NAV3: variants seen among roughly 807,000 people sequenced by gnomAD.
The protein encoded by NAV3 is neuron navigator 3.
A neutral mutation model predicts 244.7 loss-of-function variants in NAV3; 87 were observed. The ratio of observed to expected loss-of-function variants is 0.36; its 90% CI spans 0.30 to 0.42. NAV3 has a LOEUF of 0.42. Ranked by LOEUF, NAV3 falls within the 20% of genes least tolerant of loss-of-function variation. NAV3 has a pLI of 1.00. For synonymous variants in NAV3, 1,126 were observed against 1,042.2 expected (o/e 1.08, Z -1.55); for missense variants, 2,663 against 2,893.3 (o/e 0.92, Z 1.83).
chr12:77,940,508 T>G, intron 2 of NAV3, 72 bp downstream of exon 2: 1 of 1,175,042 alleles, frequency 8.5e-7, no homozygotes, highest in East Asian at 2.4e-5. Flanking sequence ...CAACTTAAGT[T>G]AAGCGCCTTA....
intron 1 of NAV3, among the ~76,000 whole-genome samples, chr12:77,908,692 A>G (rs2137016400): frequency 6.6e-6 from 1 of 152,140 alleles, no homozygotes; most frequent in African/African-American, 2.4e-5. Context: ...AAAATATCTG[A>G]TTAATGAGTA....
chr12:77,995,702 C>T (rs1474344634), intron 6 of NAV3, among the ~76,000 whole-genome samples: 1 of 152,098 alleles, frequency 6.6e-6, no homozygotes, highest in South Asian at 2.1e-4. Flanking sequence ...CTTGCCTTGG[C>T]TTTCTAAGTT....
At chr12:78,067,876 T>C (rs1286043678) in intron 12 of NAV3, among the ~76,000 whole-genome samples, 1 of 152,086 alleles carries the variant, frequency 6.6e-6, no homozygotes, top group Non-Finnish European at 1.5e-5. Context: ...TATTGATGTA[T>C]AATTTTTATC....
intron 38 of NAV3, among the ~76,000 whole-genome samples, chr12:78,204,163 A>G (rs1393141906): frequency 1.4e-5 from 2 of 146,942 alleles, no homozygotes; most frequent in East Asian, 2.2e-4. Context: ...ATGAGAACAC[A>G]TGGACACAGG....
chr12:77,810,413 C>G (rs554650818), intron 2 of NAV3, among the ~76,000 whole-genome samples: 6 of 152,092 alleles, frequency 3.9e-5, no homozygotes, highest in Non-Finnish European at 7.4e-5. Context: ...CCTCATGATC[C>G]GCCCACCTCG....
At chr12:77,864,689 T>A (rs187008907) in intron 1 of NAV3, among the ~76,000 whole-genome samples, 1 of 151,974 alleles carries the variant, frequency 6.6e-6, no homozygotes, top group East Asian at 1.9e-4. Context: ...CTACCATGCA[T>A]CATATTGCCC....
Position 78,118,062 on chromosome 12 carries a change from C to A in NAV3, c.2805C>A (p.Asp935Glu). The change falls in exon 14 of 40, where the codon GAC becomes GAA. Residue 935 changes from aspartate to glutamate, a missense_variant. Around this residue, in one of 6 missense-constraint regions of NAV3, gnomAD observed 1,521 missense variants for 1,497.0 expected, o/e 1.02. Coordinates refer to ENST00000397909, the MANE Select transcript of NAV3 (RefSeq NM_001024383.2). ...RTDSEKRSTT[D>E]ETWDSPEELK... ...ATTCAGAGAAACGCTCCACCACAGA[C>A]GAGACCTGGGATAGTCCTGAGGAAC... 1.2e-6 allele frequency: 2 copies of A among 1,613,672 alleles called. No individual in the cohort carries two copies. Among genetic ancestry groups the A allele is most frequent in the Non-Finnish European group, 1.7e-6 (2 of 1,179,820 alleles).
At position 77,968,652 on chromosome 12, in the gene NAV3, C is replaced by T. The variant is rs1362077082; in HGVS notation, c.621C>T (p.Ser207=). The T allele has an allele frequency of 6.2e-7, 1 of 1,614,098 alleles. No individual in the cohort carries two copies. ...VELQQRVTHA[S]PPSEASQAKT... ...TTCAGCAGCGAGTTACTCACGCTTC[C>T]CCTCCATCGGAAGCCAGCCAGGCCA... Residue 207 remains serine (S), a synonymous_variant, in exon 5 of 40, where the codon TCC becomes TCT. Coordinates refer to ENST00000397909, the MANE Select transcript of NAV3 (RefSeq NM_001024383.2).
At chr12:77,926,442 A>T (rs982623779) in intron 1 of NAV3, among the ~76,000 whole-genome samples, 14 of 152,164 alleles carry the variant, frequency 9.2e-5, no homozygotes, top group Middle Eastern at 3.4e-3. Context: ...GAGGCTTGGG[A>T]GGTAAGGGAA....
intron 20 of NAV3, among the ~76,000 whole-genome samples, chr12:78,142,278 T>C (rs1490808799): frequency 6.6e-6 from 1 of 152,106 alleles, no homozygotes; most frequent in African/African-American, 2.4e-5. Context: ...GAAAAATTTA[T>C]TCCTCAAGAA....
chr12:77,866,311 T>G (rs1880014550), intron 1 of NAV3, among the ~76,000 whole-genome samples: 1 of 152,204 alleles, frequency 6.6e-6, no homozygotes, highest in Non-Finnish European at 1.5e-5. Flanking sequence ...TTTGAATGAG[T>G]TTGAAAGTTC....
intron 2 of NAV3, among the ~76,000 whole-genome samples, chr12:77,601,051 C>T (rs1370277178): frequency 6.6e-6 from 1 of 151,978 alleles, no homozygotes; most frequent in Non-Finnish European, 1.5e-5. Context: ...CATTTCCTTA[C>T]TGAAATTGTA....
intron 5 of NAV3, among the ~76,000 whole-genome samples, chr12:77,978,869 T>C (rs1442894452): frequency 1.3e-5 from 2 of 151,974 alleles, no homozygotes; most frequent in Admixed American, 1.3e-4. Context: ...CGATTGACTG[T>C]ATTCATTACA....
intron 5 of NAV3, among the ~76,000 whole-genome samples, chr12:77,991,020 T>C (rs1441891730): frequency 6.6e-6 from 1 of 152,174 alleles, no homozygotes; most frequent in Non-Finnish European, 1.5e-5. Context: ...TTAGTTTTAT[T>C]GTTTATTTAT....
chr12:77,628,893 C>A (rs1439342453), intron 2 of NAV3, among the ~76,000 whole-genome samples: 2 of 126,086 alleles, frequency 1.6e-5, no homozygotes, highest in African/African-American at 9.4e-5. Context: ...GGGAGTGAGA[C>A]CCTGTCTCCA....
At chr12:78,008,618 TA>T (rs1383890309) in intron 8 of NAV3, among the ~76,000 whole-genome samples, 1 of 151,236 alleles carries the variant, frequency 6.6e-6, no homozygotes, top group Non-Finnish European at 1.5e-5. Flanking sequence ...TTTTTGAATG[TA>T]AAAGTTTTTA....
At chr12:77,940,577 G>A (rs1161672320) in intron 2 of NAV3, 141 bp downstream of exon 2, 4 of 665,780 alleles carry the variant, frequency 6.0e-6, no homozygotes, top group Non-Finnish European at 1.0e-5. Flanking sequence ...TAATTAAAAT[G>A]TTTATATGAG....
intron 18 of NAV3, among the ~76,000 whole-genome samples, chr12:78,132,033 A>T (rs1187160262): frequency 1.3e-5 from 2 of 152,160 alleles, no homozygotes; most frequent in African/African-American, 4.8e-5. Flanking sequence ...GTTATCAAGG[A>T]CTCATTTACC....
At chr12:78,089,430 T>C (rs1373127659) in intron 12 of NAV3, among the ~76,000 whole-genome samples, 2 of 152,180 alleles carry the variant, frequency 1.3e-5, no homozygotes, top group East Asian at 1.9e-4. Context: ...GGCATACTGG[T>C]ATTTCTGATT....
Sources: allele counts gnomAD v4.1 joint callset (sites outside exome capture counted in the v4.1 genomes callset), GRCh38; gene constraint gnomAD v4.1.1; regional missense constraint gnomAD v4.1.1; transcripts MANE v1.5; gene names NCBI Gene and HGNC (gene_info 2026-07-23, HGNC 2026-07-21).